Variants in NRXN2 observed in about 807,000 individuals in gnomAD.
The protein encoded by NRXN2 is neurexin 2, also known as neurexin-2-beta.
NRXN2 carries 29 observed loss-of-function variants against 128.8 expected under a neutral mutation model. That is an observed-to-expected ratio of 0.23 (90% CI 0.17 to 0.31). The LOEUF is 0.31. NRXN2 is among the 10% of genes least tolerant of loss of function. The pLI is 1.00. For synonymous variants in NRXN2, 1,098 were observed against 1,075.2 expected (o/e 1.02, Z -0.41); for missense variants, 1,881 against 2,452.6 (o/e 0.77, Z 4.92).
rs1449729911 is a variant in NRXN2 at position 64,667,133 on chromosome 11, C to T, written c.1798+117G>A. ...CGTGAGGGGGGTGGAGGAGAAGCGGCAGGGAAGAATATAGGAAATGGTGTA... is the reference window on the plus strand; with the variant it reads ...CGTGAGGGGGGTGGAGGAGAAGCGGTAGGGAAGAATATAGGAAATGGTGTA... On this transcript the variant is annotated intron_variant, in intron 9 of 22. Coordinates refer to ENST00000265459, the MANE Select transcript of NRXN2 (RefSeq NM_015080.4). The surrounding 1 kb of genome is among the most constrained non-coding windows in gnomAD (Gnocchi z 5.6). 9 of 1,040,814 alleles carry T rather than the reference C, an allele frequency of 8.6e-6. No individual in the cohort carries two copies. Among genetic ancestry groups the T allele is most frequent in the Non-Finnish European group, 1.2e-5 (8 of 691,246 alleles). The allele number at this position is 1,040,814 out of a possible 1,614,324, so 64.5% of individuals were successfully genotyped here.
intron 17 of NRXN2, among the ~76,000 whole-genome samples, chr11:64,638,165 C>T (rs962294777): frequency 2.2e-4 from 34 of 152,360 alleles, no homozygotes; most frequent in Admixed American, 1.7e-3. Flanking sequence ...CCGCGGCGCA[C>T]AGGCTGCCCA....
rs555191930 is a variant in NRXN2 at position 64,607,256 on chromosome 11, C to T, written c.5079G>A (p.Pro1693=). Residue 1693 remains proline (P), a synonymous_variant, in exon 23 of 23, where the codon CCG becomes CCA. Coordinates refer to ENST00000265459, the MANE Select transcript of NRXN2 (RefSeq NM_015080.4). ...CCTTGCTGGGCGTCTTGGGGGCAGCCGGGGCCTTCTCTTTCACCACCGCCC... is the reference window on the plus strand; with the variant it reads ...CCTTGCTGGGCGTCTTGGGGGCAGCTGGGGCCTTCTCTTTCACCACCGCCC... The part of the protein sequence containing the change: ...SNGAVVKEKA[P]AAPKTPSKAK... 6 of 1,613,916 alleles carry T rather than the reference C, an allele frequency of 3.7e-6. No homozygotes were observed. Among genetic ancestry groups the T allele is most frequent in the Admixed American group, 3.3e-5 (2 of 60,016 alleles).
chr11:64,681,490 CT>C (rs2052284309), intron 6 of NRXN2, among the ~76,000 whole-genome samples: 1 of 152,172 alleles, frequency 6.6e-6, no homozygotes, highest in Non-Finnish European at 1.5e-5. Context: ...TCAAGGAAGG[CT>C]TTTTGAAGAA....
chr11:64,660,942 G>T lies in NRXN2; in HGVS notation c.1996C>A (p.Arg666Ser). 1.9e-6 allele frequency: 3 copies of T among 1,613,778 alleles called. No homozygotes were observed. The highest frequency in any genetic ancestry group is 2.5e-6 in the Non-Finnish European group (3 of 1,179,944). ...GCVRDLFIDG[R>S]SRDLRGLAEA... ...GCCAGGCCCCGGAGGTCTCGGCTAC[G>T]CCCATCTATGAAGAGGTCCCGCACA... Residue 666 changes from arginine (R) to serine (S), a missense_variant, in exon 10 of 23, where the codon CGT (arginine) becomes AGT (serine). Physicochemically the swap from Arg to Ser is moderately radical, Grantham distance 110. Coordinates refer to ENST00000265459, the MANE Select transcript of NRXN2 (RefSeq NM_015080.4). This position sits in a 1 kb window ranked among gnomAD's most constrained non-coding sequence, Gnocchi z 5.2.
At chr11:64,674,502 C>T (rs2051052117) in intron 7 of NRXN2, among the ~76,000 whole-genome samples, 1 of 152,144 alleles carries the variant, frequency 6.6e-6, no homozygotes, top group South Asian at 2.1e-4. Context: ...GCTTCTTAAC[C>T]AGCTTAACCA....
intron 6 of NRXN2, among the ~76,000 whole-genome samples, chr11:64,680,925 C>T (rs1284519291): frequency 1.3e-5 from 2 of 151,764 alleles, no homozygotes; most frequent in East Asian, 1.9e-4. Context: ...GGTGAAACCC[C>T]GTCTCTACTA....
chr11:64,701,777 G>A (rs551089930), intron 2 of NRXN2, among the ~76,000 whole-genome samples: 47 of 152,298 alleles, frequency 3.1e-4, no homozygotes, highest in African/African-American at 1.1e-3. Context: ...GGGGGAAGTG[G>A]GGGGATCAGC....
At chr11:64,656,417 A>G (rs1324166640) in intron 11 of NRXN2, among the ~76,000 whole-genome samples, 2 of 152,218 alleles carry the variant, frequency 1.3e-5, no homozygotes, top group African/African-American at 4.8e-5. Flanking sequence ...ATTTCACAAT[A>G]AGTGGGAATT....
chr11:64,621,004 G>A (rs1432938507), intron 21 of NRXN2, among the ~76,000 whole-genome samples: 2 of 151,880 alleles, frequency 1.3e-5, no homozygotes, highest in African/African-American at 4.8e-5. Flanking sequence ...GCGCTCAGGG[G>A]CATGAAGGAG....
chr11:64,648,839 C>A lies in NRXN2; in HGVS notation c.3178G>T (p.Asp1060Tyr). ...SNLPKLVASRDGFQGCLASVD... is the reference protein window; with the variant it reads ...SNLPKLVASRYGFQGCLASVD... ...GAGGCCAGGCAGCCCTGAAAGCCAT[C>A]CCGGGAGGCCACCAGCTTGGGCAGG... Residue 1060 changes from aspartate (D) to tyrosine (Y), a missense_variant, in exon 16 of 23, where the codon GAT (aspartate) becomes TAT (tyrosine). This residue lies in a region of NRXN2 where 390 missense variants were observed against 599.6 expected (regional missense o/e 0.65). Transcript: ENST00000265459. The surrounding 1 kb of genome is among the most constrained non-coding windows in gnomAD (Gnocchi z 4.1). 1 of 1,614,186 alleles carries A rather than the reference C, an allele frequency of 6.2e-7. No individual in the cohort carries two copies. The highest frequency in any genetic ancestry group is 8.5e-7 in the Non-Finnish European group (1 of 1,180,022).
chr11:64,706,569 A>G (rs1238424472), intron 2 of NRXN2, among the ~76,000 whole-genome samples: 2 of 152,112 alleles, frequency 1.3e-5, no homozygotes, highest in Non-Finnish European at 2.9e-5. Flanking sequence ...GTACCCAGTT[A>G]GCATTCAATG....
chr11:64,676,716 A>C, intron 7 of NRXN2: 575 of 462,430 alleles, frequency 1.2e-3, no homozygotes, highest in East Asian at 2.5e-3. Context: ...CTGGCCAGGA[A>C]TCTGAATTCA....
chr11:64,656,415 A>ATAAGTGGGAATTTCACAG lies in NRXN2; in HGVS notation c.2390-2694_2390-2693insCTGTGAAATTCCCACTTA, dbSNP rs1440399499. Among the ~76,000 whole-genome samples, 3 of 152,228 alleles carry ATAAGTGGGAATTTCACAG rather than the reference A, an allele frequency of 2.0e-5. No homozygotes were observed. The East Asian group carries it at 5.8e-4, about 29-fold the overall frequency. Reference sequence around the variant, plus strand: ...TTTCACAATAAGTGGGAATTTCACAATAAGTGGGAATTTCAGAAGGGCAGG... The same window carrying ATAAGTGGGAATTTCACAG: ...TTTCACAATAAGTGGGAATTTCACAATAAGTGGGAATTTCACAGTAAGTGGGAATTTCAGAAGGGCAGG... On this transcript the variant is annotated intron_variant, in intron 11 of 22. Coordinates refer to ENST00000265459, the MANE Select transcript of NRXN2 (RefSeq NM_015080.4).
chr11:64,622,940 G>A lies in NRXN2; in HGVS notation c.3986C>T (p.Pro1329Leu), dbSNP rs1242802345. The change falls in exon 21 of 23, where the codon CCC (proline) becomes CTC (leucine). Residue 1329 changes from proline (P) to leucine (L), a missense_variant. Pro to Leu is a moderately conservative substitution (Grantham distance 98). This residue lies in a region of NRXN2 where 108 missense variants were observed against 165.2 expected (regional missense o/e 0.65). Coordinates refer to ENST00000265459, the MANE Select transcript of NRXN2 (RefSeq NM_015080.4). The surrounding 1 kb of genome is among the most constrained non-coding windows in gnomAD (Gnocchi z 4.3). ...CAGGTGACCCTCAGTCCGCACATTG[G>A]GGTCGCTCTCGGCGGCCAGCGCCAG... The part of the protein sequence containing the change: ...KVLALAAESD[P>L]NVRTEGHLRL... 2 of 1,613,194 alleles carry A rather than the reference G, an allele frequency of 1.2e-6. No individual in the cohort carries two copies. The highest frequency in any genetic ancestry group is 1.7e-6 in the Non-Finnish European group (2 of 1,179,810).
At chr11:64,692,710 G>C in intron 4 of NRXN2, 137 bp downstream of exon 4, 1 of 668,206 alleles carries the variant, frequency 1.5e-6, no homozygotes, top group South Asian at 1.4e-5. Flanking sequence ...CAAAGGAAGC[G>C]GGTAGGAAAG....
chr11:64,718,953 C>T (rs934128538), intron 1 of NRXN2, among the ~76,000 whole-genome samples: 1 of 152,192 alleles, frequency 6.6e-6, no homozygotes, highest in African/African-American at 2.4e-5. Context: ...GCCAGCTCTA[C>T]CCCTATCCAG....
In NRXN2 at chr11:64,717,893, C is replaced by T. The variant is rs373787077; in HGVS notation, c.-244-3950G>A. On this transcript the variant is annotated intron_variant, in intron 1 of 22. Coordinates refer to ENST00000265459, the MANE Select transcript of NRXN2 (RefSeq NM_015080.4). ...CCCTGTGTCTGGGGCTCAGAGCCCA[C>T]CCTCCTCTGATCTGGCCTTCACAGG... Among the ~76,000 whole-genome samples, 30 of 152,340 alleles carry T rather than the reference C, an allele frequency of 2.0e-4. No homozygotes were observed. In the East Asian group the frequency reaches 2.1e-3, roughly 11 times the overall value.
rs749058847 is a variant in NRXN2 at position 64,652,117 on chromosome 11, G to C, written c.2454C>G (p.Leu818=). ...TCACCGTGTGCCACTCATTGTCATT[G>C]AGCTTGTGCCCCGCAAACAGCGTTT... is the stretch of plus-strand genomic sequence containing the variant. ...GPETLFAGHK[L]NDNEWHTVRV... Residue 818 remains leucine (L), a synonymous_variant, in exon 13 of 23, where the codon CTC becomes CTG. Transcript: ENST00000265459. The C allele has an allele frequency of 6.2e-7, 1 of 1,613,358 alleles. No individual in the cohort carries two copies. The highest frequency in any genetic ancestry group is 1.1e-5 in the South Asian group (1 of 91,086).
chr11:64,629,952 G>A (rs1004741448), intron 19 of NRXN2, among the ~76,000 whole-genome samples: 1 of 151,990 alleles, frequency 6.6e-6, no homozygotes, highest in African/African-American at 2.4e-5. Context: ...GGCTCTGCCC[G>A]TGGTAACAGC....
Sources: gnomAD v4.1 joint callset for allele counts (sites outside exome capture counted in the v4.1 genomes callset) on GRCh38, gnomAD v4.1.1 for gene constraint, gnomAD v4.1.1 regional missense constraint, Gnocchi (gnomAD v3.1) non-coding constraint, MANE v1.5 for transcripts, NCBI Gene and HGNC (gene_info 2026-07-23, HGNC 2026-07-21) for gene names.